Variants in ABL2 observed in about 807,000 individuals in gnomAD.
The protein encoded by ABL2 is ABL proto-oncogene 2, non-receptor tyrosine kinase, also known as tyrosine-protein kinase ABL2.
A neutral mutation model predicts 107.7 loss-of-function variants in ABL2; 49 were observed. The ratio of observed to expected loss-of-function variants is 0.45; its 90% CI spans 0.36 to 0.58. ABL2 has a LOEUF of 0.58. Among genes scored for constraint, ABL2 ranks in the 20% least tolerant of loss-of-function variants. ABL2 has a pLI of 0.00. For synonymous variants in ABL2, 549 were observed against 548.6 expected (o/e 1.00, Z -0.01); for missense variants, 1,245 against 1,457.0 (o/e 0.85, Z 2.37).
chr1:179,110,538 GA>G, intron 10 of ABL2, 83 bp from the exon 11 acceptor site: 1 of 1,533,736 alleles, frequency 6.5e-7, no homozygotes, highest in Non-Finnish European at 8.7e-7. Flanking sequence ...GCACACAACT[GA>G]GAAAGAACTG....
intron 1 of ABL2, among the ~76,000 whole-genome samples, chr1:179,146,144 G>GA (rs903930321): frequency 1.6e-4 from 25 of 151,812 alleles, no homozygotes; most frequent in South Asian, 1.2e-3. Context: ...ATTATTACAT[G>GA]AAAAAAAATG....
At chr1:179,117,296 T>C in intron 8 of ABL2, 36 bp downstream of exon 8, 2 of 1,576,324 alleles carry the variant, frequency 1.3e-6, no homozygotes, top group South Asian at 1.1e-5. Context: ...AAAAAAAAAA[T>C]AAAATGACAC....
intron 1 of ABL2, among the ~76,000 whole-genome samples, chr1:179,159,998 C>A (rs2102749565): frequency 6.6e-6 from 1 of 152,134 alleles, no homozygotes; most frequent in African/African-American, 2.4e-5. Context: ...CCTGTAGTCC[C>A]AGCTACAGGG....
chr1:179,124,141 T>C (rs571994667), intron 4 of ABL2, among the ~76,000 whole-genome samples: 13 of 151,230 alleles, frequency 8.6e-5, no homozygotes, highest in Admixed American at 8.6e-4. Flanking sequence ...TTGAGGAGGC[T>C]GAGGCAGGAG....
At chr1:179,171,821 T>C (rs540519048) in intron 1 of ABL2, among the ~76,000 whole-genome samples, 2 of 152,366 alleles carry the variant, frequency 1.3e-5, no homozygotes, top group South Asian at 2.1e-4. Flanking sequence ...TGACTTTTCA[T>C]GTCCATGTTT....
At chr1:179,122,822 T>A (rs569393942) in intron 4 of ABL2, among the ~76,000 whole-genome samples, 7 of 151,976 alleles carry the variant, frequency 4.6e-5, no homozygotes, top group East Asian at 1.9e-4. Flanking sequence ...CCTGGCTAAT[T>A]TTTTTCTTTG....
intron 1 of ABL2, among the ~76,000 whole-genome samples, chr1:179,192,739 A>G (rs1661089803): frequency 6.6e-6 from 1 of 152,264 alleles, no homozygotes; most frequent in Admixed American, 6.5e-5. Context: ...AACTAGGTTA[A>G]GTAAATTAAT....
intron 9 of ABL2, among the ~76,000 whole-genome samples, chr1:179,112,755 A>G (rs1475836555): frequency 6.7e-6 from 1 of 148,294 alleles, no homozygotes; most frequent in Non-Finnish European, 1.5e-5. Flanking sequence ...ACGCCCAGCT[A>G]ATTTTTTTTT....
intron 3 of ABL2, among the ~76,000 whole-genome samples, chr1:179,129,490 G>A (rs1656068193): frequency 6.6e-6 from 1 of 152,062 alleles, no homozygotes; most frequent in East Asian, 1.9e-4. Context: ...AGGCCATCCT[G>A]ACCAACATGG....
At chr1:179,184,520 A>T in intron 1 of ABL2, 2 of 653,126 alleles carry the variant, frequency 3.1e-6, no homozygotes, top group Non-Finnish European at 2.7e-6. Flanking sequence ...GTCCCATCCC[A>T]TTACAGTACT....
chr1:179,213,144 T>A (rs900054751), intron 1 of ABL2, among the ~76,000 whole-genome samples: 26 of 151,996 alleles, frequency 1.7e-4, no homozygotes, highest in East Asian at 7.7e-4. Context: ...AAATTAATTT[T>A]TATATATATG....
intron 1 of ABL2, among the ~76,000 whole-genome samples, chr1:179,197,867 C>CAAAAAAAA (rs71804838): frequency 7.3e-6 from 1 of 137,180 alleles, no homozygotes; most frequent in Non-Finnish European, 1.6e-5. Flanking sequence ...GAAACTGTCT[C>CAAAAAAAA]AAAAAAAAAA....
In ABL2 at chr1:179,120,254, T is replaced by G. The variant is rs1286800118; in HGVS notation, c.981A>C (p.Glu327Asp). 2 of 1,607,464 alleles carry G rather than the reference T, an allele frequency of 1.2e-6. No homozygotes were observed. The highest frequency in any genetic ancestry group is 1.7e-6 in the Non-Finnish European group (2 of 1,176,652). ...TTACTGCAGCTTCTTTCAGGAATTCTTCTACCTCCATGGTATCTTCCTAGA... is the reference window on the plus strand; with the variant it reads ...TTACTGCAGCTTCTTTCAGGAATTCGTCTACCTCCATGGTATCTTCCTAGA... ...KTLKEDTMEV[E>D]EFLKEAAVMK... Residue 327 changes from glutamate (E) to aspartate (D), a missense_variant, in exon 6 of 12, where the codon GAA (glutamate) becomes GAC (aspartate). Transcript: ENST00000502732.
At chr1:179,175,596 G>A (rs1659993965) in intron 1 of ABL2, among the ~76,000 whole-genome samples, 1 of 152,190 alleles carries the variant, frequency 6.6e-6, no homozygotes, top group African/African-American at 2.4e-5. Flanking sequence ...TAGGATAGTG[G>A]GGGAACCACT....
chr1:179,200,522 TC>T (rs1301603632), intron 1 of ABL2, among the ~76,000 whole-genome samples: 1 of 152,216 alleles, frequency 6.6e-6, no homozygotes, highest in Non-Finnish European at 1.5e-5. Context: ...TTTTTTTCTC[TC>T]CTTCAGATCC....
At chr1:179,139,786 T>A (rs945163785) in intron 1 of ABL2, among the ~76,000 whole-genome samples, 2 of 152,178 alleles carry the variant, frequency 1.3e-5, no homozygotes, top group African/African-American at 4.8e-5. Context: ...TGGAGGCATT[T>A]GATTCTCACA....
At chr1:179,149,486 T>C (rs1351847706) in intron 1 of ABL2, among the ~76,000 whole-genome samples, 1 of 152,230 alleles carries the variant, frequency 6.6e-6, no homozygotes, top group Non-Finnish European at 1.5e-5. Context: ...ATTTTCAGTG[T>C]AGATGAAACA....
At chr1:179,115,995 G>C (rs77009964) in intron 8 of ABL2, among the ~76,000 whole-genome samples, 2,215 of 151,946 alleles carry the variant, frequency 0.015, 56 homozygotes, top group African/African-American at 0.05. Context: ...AGATCAATTA[G>C]GACAAATTCT....
intron 6 of ABL2, 106 bp from the exon 7 acceptor site, chr1:179,118,870 A>C: frequency 8.1e-7 from 1 of 1,238,692 alleles, no homozygotes; most frequent in Non-Finnish European, 1.1e-6. Context: ...GTTCGGCAAT[A>C]ATCTTTTCCC....
Sources: allele counts gnomAD v4.1 joint callset (sites outside exome capture counted in the v4.1 genomes callset), GRCh38; gene constraint gnomAD v4.1.1; transcripts MANE v1.5; gene names NCBI Gene and HGNC (gene_info 2026-07-23, HGNC 2026-07-21).